Variants in MEMO1 observed in about 807,000 individuals in gnomAD.
MEMO1 encodes mediator of cell motility 1, also known as protein MEMO1.
A neutral mutation model predicts 45.2 loss-of-function variants in MEMO1; 6 were observed. That is an observed-to-expected ratio of 0.13 (90% CI 0.07 to 0.26). MEMO1 has a LOEUF of 0.26. MEMO1 is among the 10% of genes least tolerant of loss of function. MEMO1 has a pLI of 1.00. For synonymous variants in MEMO1, 78 were observed against 124.3 expected (o/e 0.63, Z 2.48); for missense variants, 184 against 370.5 (o/e 0.50, Z 4.13).
At chr2:31,981,347 T>C (rs533317139) in intron 2 of MEMO1, among the ~76,000 whole-genome samples, 1 of 152,332 alleles carries the variant, frequency 6.6e-6, no homozygotes, top group South Asian at 2.1e-4. Context: ...GGGACTTTTA[T>C]GTCATTTACC....
At chr2:31,920,169 C>A (rs1051426673) in intron 5 of MEMO1, among the ~76,000 whole-genome samples, 24 of 151,696 alleles carry the variant, frequency 1.6e-4, no homozygotes, top group African/African-American at 5.8e-4. Flanking sequence ...TTACTCCCCC[C>A]CCCAAAAGAA....
chr2:31,982,671 G>C (rs896382440), intron 2 of MEMO1, among the ~76,000 whole-genome samples: 2 of 150,830 alleles, frequency 1.3e-5, no homozygotes, highest in African/African-American at 4.9e-5. Context: ...GCTTTGATTA[G>C]AAATTGTAAC....
chr2:31,899,159 T>C, intron 6 of MEMO1, among the ~76,000 whole-genome samples: 1 of 152,208 alleles, frequency 6.6e-6, no homozygotes, highest in South Asian at 2.1e-4. Context: ...ACCATTGACT[T>C]TCTTCACAGA....
chr2:31,970,840 C>T (rs564879505), intron 2 of MEMO1, among the ~76,000 whole-genome samples: 1 of 152,028 alleles, frequency 6.6e-6, no homozygotes, highest in Non-Finnish European at 1.5e-5. Flanking sequence ...CCCGTCTCTA[C>T]TAAAAATAGA....
chr2:31,982,402 C>T (rs1670748220), intron 2 of MEMO1, among the ~76,000 whole-genome samples: 1 of 150,824 alleles, frequency 6.6e-6, no homozygotes, highest in Non-Finnish European at 1.5e-5. Flanking sequence ...CCAGCCTGAC[C>T]AACGTGGTGA....
intron 6 of MEMO1, among the ~76,000 whole-genome samples, chr2:31,893,882 C>G (rs1255977692): frequency 6.6e-6 from 1 of 152,082 alleles, no homozygotes; most frequent in Non-Finnish European, 1.5e-5. Context: ...AAATTCTATC[C>G]TCTGTAGAAA....
intron 3 of MEMO1, among the ~76,000 whole-genome samples, chr2:31,941,256 C>CTCTT (rs1347165605): frequency 1.3e-5 from 2 of 152,184 alleles, no homozygotes; most frequent in Non-Finnish European, 2.9e-5. Flanking sequence ...ACTAAGCATA[C>CTCTT]TCTTGTTCCA....
chr2:31,893,249 A>G, intron 6 of MEMO1: 2 of 956,796 alleles, frequency 2.1e-6, no homozygotes. Context: ...TACCCTGTCA[A>G]TTGCGAAATA....
chr2:31,896,518 AGG>A (rs1558484437), intron 6 of MEMO1, among the ~76,000 whole-genome samples: 2 of 152,250 alleles, frequency 1.3e-5, no homozygotes, highest in East Asian at 3.8e-4. Context: ...TTACAAAAGT[AGG>A]CTGTGGGCCA....
chr2:32,007,142 G>C (rs1489613245), intron 2 of MEMO1, among the ~76,000 whole-genome samples: 2 of 151,940 alleles, frequency 1.3e-5, no homozygotes, highest in African/African-American at 2.4e-5. Context: ...TGTACTCTAG[G>C]ACCAGCCTAC....
intron 4 of MEMO1, among the ~76,000 whole-genome samples, chr2:31,927,122 A>T (rs1683231292): frequency 6.6e-6 from 1 of 152,098 alleles, no homozygotes; most frequent in African/African-American, 2.4e-5. Flanking sequence ...CAAGGTCAAG[A>T]GATTGAGACC....
At chr2:31,920,675 TAAC>T (rs1372077055) in intron 5 of MEMO1, 120 bp downstream of exon 5, 1 of 494,600 alleles carries the variant, frequency 2.0e-6, no homozygotes, top group Non-Finnish European at 3.3e-6. Flanking sequence ...AGATTAGTTA[TAAC>T]AATTTTTATT....
At chr2:31,955,937 T>G (rs371500778) in intron 2 of MEMO1, among the ~76,000 whole-genome samples, 7 of 152,058 alleles carry the variant, frequency 4.6e-5, no homozygotes, top group Non-Finnish European at 7.4e-5. Context: ...CGCCCCAATA[T>G]TCCTCCATGC....
intron 6 of MEMO1, among the ~76,000 whole-genome samples, chr2:31,914,344 G>A (rs1470194271): frequency 6.6e-6 from 1 of 152,178 alleles, no homozygotes; most frequent in East Asian, 1.9e-4. Context: ...GATTACCAGA[G>A]GCTGGGAAGA....
At chr2:31,899,970 C>A (rs1255286700) in intron 6 of MEMO1, among the ~76,000 whole-genome samples, 1 of 152,148 alleles carries the variant, frequency 6.6e-6, no homozygotes, top group African/African-American at 2.4e-5. Context: ...CAAATCAAAA[C>A]CACAGTGTGA....
In MEMO1 at chr2:31,876,658, T is replaced by C. The variant is rs768616437; in HGVS notation, c.658-6706A>G. Among the ~76,000 whole-genome samples, 40 of 152,130 alleles carry C rather than the reference T, an allele frequency of 2.6e-4. No homozygotes were observed. In the Middle Eastern group the frequency reaches 0.014, roughly 52 times the overall value. On this transcript the variant is annotated intron_variant, in intron 8 of 9. Coordinates refer to ENST00000404530, the MANE Select transcript of MEMO1 (RefSeq NM_001301833.4). ...TAAAGGCAACAGCAAACATAACATA[T>C]CCCTAATAGAATTTATTATCTTCCT...
intron 2 of MEMO1, among the ~76,000 whole-genome samples, chr2:31,983,935 A>G (rs1241853683): frequency 6.6e-6 from 1 of 152,248 alleles, no homozygotes; most frequent in Non-Finnish European, 1.5e-5. Flanking sequence ...CCAATAGCTA[A>G]GGCTGAAAAA....
At chr2:31,921,883 G>T (rs903654880) in intron 4 of MEMO1, among the ~76,000 whole-genome samples, 8 of 152,064 alleles carry the variant, frequency 5.3e-5, no homozygotes, top group African/African-American at 1.9e-4. Context: ...CTAAAGAAAA[G>T]AACTGAGCTA....
intron 2 of MEMO1, among the ~76,000 whole-genome samples, chr2:31,954,011 C>A (rs189580826): frequency 4.5e-4 from 69 of 152,256 alleles, no homozygotes; most frequent in Non-Finnish European, 8.7e-4. Context: ...AATTCTAAGA[C>A]AAAAGTATTT....
Sources: gnomAD v4.1 joint callset for allele counts (sites outside exome capture counted in the v4.1 genomes callset) on GRCh38, gnomAD v4.1.1 for gene constraint, MANE v1.5 for transcripts, NCBI Gene and HGNC (gene_info 2026-07-23, HGNC 2026-07-21) for gene names.